Variants in UACA observed in about 807,000 individuals in gnomAD.
UACA encodes the protein nuclear membrane binding protein.
Under a neutral mutation model 160.5 loss-of-function variants are expected in UACA, and 112 were observed. That is an observed-to-expected ratio of 0.70 (90% CI 0.60 to 0.82). The LOEUF is 0.82. Among genes scored for constraint, UACA ranks in the 40% least tolerant of loss-of-function variants. The probability of loss-of-function intolerance (pLI) is 0.00; values close to 1 mark genes in which losing one functional copy is unlikely to be tolerated. For missense variants in UACA, 1,574 were observed against 1,614.6 expected (o/e 0.97, Z 0.43); for synonymous variants, 557 against 568.4 (o/e 0.98, Z 0.29).
chr15:70,751,988 G>A (rs1397071066), intron 1 of UACA, among the ~76,000 whole-genome samples: 1 of 152,178 alleles, frequency 6.6e-6, no homozygotes, highest in South Asian at 2.1e-4. Flanking sequence ...GTGGGAGCCA[G>A]CACTTTGGGA....
upstream of UACA, chr15:70,767,945 G>A (rs1333016465): frequency 6.6e-6 from 1 of 152,134 alleles, no homozygotes. Flanking sequence ...CTCTTCTCTT[G>A]CCACATTGAA....
chr15:70,667,606 G>T lies in UACA; in HGVS notation c.3078C>A (p.Asn1026Lys). ...YSVSEEEVKK[N>K]KQENDKLKKE... ...TCTTTAACTTGTCATTCTCTTGCTT[G>T]TTTTTCTTGACTTCTTCTTCACTGA... Residue 1026 changes from asparagine (N) to lysine (K), a missense_variant, in exon 16 of 19, where the codon AAC (asparagine) becomes AAA (lysine). Asn to Lys is a moderately conservative substitution (Grantham distance 94). Transcript: ENST00000322954. 1 of 1,612,870 alleles carries T rather than the reference G, an allele frequency of 6.2e-7. No homozygotes were observed. Among genetic ancestry groups the T allele is most frequent in the Non-Finnish European group, 8.5e-7 (1 of 1,179,932 alleles).
At chr15:70,726,368 G>A (rs1475611030) in intron 1 of UACA, among the ~76,000 whole-genome samples, 1 of 152,066 alleles carries the variant, frequency 6.6e-6, no homozygotes, top group Non-Finnish European at 1.5e-5. Flanking sequence ...TATCTGAGCA[G>A]CATGGAGGAA....
At chr15:70,760,805 C>CA (rs34530236) in intron 1 of UACA, among the ~76,000 whole-genome samples, 4,540 of 62,330 alleles carry the variant, frequency 0.073, 96 homozygotes, top group African/African-American at 0.082. Flanking sequence ...GACTCCGTCT[C>CA]AAAAAAAAAA....
chr15:70,702,189 A>C, intron 1 of UACA: 2 of 1,178,026 alleles, frequency 1.7e-6, no homozygotes, highest in South Asian at 6.3e-5. Flanking sequence ...TCTATTTCTT[A>C]TTCTTTGGAA....
intron 1 of UACA, chr15:70,701,808 T>C (rs1352625962): frequency 6.9e-7 from 1 of 1,441,646 alleles, no homozygotes; most frequent in Non-Finnish European, 9.5e-7. Flanking sequence ...AGTAGTGCAT[T>C]TTAAAAGAAC....
intron 7 of UACA, among the ~76,000 whole-genome samples, chr15:70,685,936 A>G (rs1897698000): frequency 6.6e-6 from 1 of 151,860 alleles, no homozygotes; most frequent in African/African-American, 2.4e-5. Context: ...CACCACACCT[A>G]GCTAATTTTT....
chr15:70,711,114 T>C (rs531539874), intron 1 of UACA, among the ~76,000 whole-genome samples: 25 of 152,202 alleles, frequency 1.6e-4, no homozygotes, highest in Non-Finnish European at 3.4e-4. Flanking sequence ...AGCAGTTGTT[T>C]GCCAGAAACC....
At chr15:70,737,217 G>T (rs1899396290) in intron 1 of UACA, among the ~76,000 whole-genome samples, 1 of 152,158 alleles carries the variant, frequency 6.6e-6, no homozygotes, top group African/African-American at 2.4e-5. Context: ...CCTTTTAAGT[G>T]TAACAGTACC....
chr15:70,724,101 A>T (rs1899077824), intron 1 of UACA, among the ~76,000 whole-genome samples: 1 of 152,142 alleles, frequency 6.6e-6, no homozygotes, highest in African/African-American at 2.4e-5. Context: ...CTGTCTACAA[A>T]TTTCTCAAGA....
At chr15:70,692,054 T>A (rs1211004634) in intron 3 of UACA, among the ~76,000 whole-genome samples, 1 of 152,214 alleles carries the variant, frequency 6.6e-6, no homozygotes, top group Non-Finnish European at 1.5e-5. Context: ...CTAATTATAT[T>A]TCTTTATACA....
At chr15:70,749,256 G>A in intron 1 of UACA, 1 of 433,332 alleles carries the variant, frequency 2.3e-6, no homozygotes. Context: ...GCCGGGCGCG[G>A]TGGCTCATGC....
intron 11 of UACA, among the ~76,000 whole-genome samples, chr15:70,677,650 T>C (rs1162880055): frequency 6.6e-6 from 1 of 152,212 alleles, no homozygotes; most frequent in African/African-American, 2.4e-5. Flanking sequence ...AAACTGATGA[T>C]ACTAGATTTC....
chr15:70,755,836 TG>T (rs1325078771), intron 1 of UACA, among the ~76,000 whole-genome samples: 3 of 152,136 alleles, frequency 2.0e-5, no homozygotes. Context: ...CCAAATCTGA[TG>T]CTCCCTCAGC....
At chr15:70,757,065 G>A (rs1262983202) in intron 1 of UACA, among the ~76,000 whole-genome samples, 1 of 152,208 alleles carries the variant, frequency 6.6e-6, no homozygotes, top group East Asian at 1.9e-4. Context: ...CACGGCAATT[G>A]GCTAGTATGC....
chr15:70,745,984 C>G (rs757274843), intron 1 of UACA, among the ~76,000 whole-genome samples: 1 of 152,098 alleles, frequency 6.6e-6, no homozygotes, highest in Non-Finnish European at 1.5e-5. Flanking sequence ...AAAATTAAAT[C>G]AAGATGAATA....
In UACA at chr15:70,756,628, G is replaced by A. The variant is rs556519542; in HGVS notation, c.78+6702C>T. Among the ~76,000 whole-genome samples, 4 of 152,176 alleles carry A rather than the reference G, an allele frequency of 2.6e-5. No homozygotes were observed. The South Asian group carries it at 6.2e-4, about 24-fold the overall frequency. On this transcript the variant is annotated intron_variant, in intron 1 of 18. Transcript: ENST00000322954. ...TGGCTCATGCCTGTAATCCCAGCACGTTGGGAGGCCAAGGCAGGTGGATCA... is the reference window on the plus strand; with the variant it reads ...TGGCTCATGCCTGTAATCCCAGCACATTGGGAGGCCAAGGCAGGTGGATCA...
At chr15:70,724,760 A>C (rs575667162) in intron 1 of UACA, among the ~76,000 whole-genome samples, 1 of 152,160 alleles carries the variant, frequency 6.6e-6, no homozygotes, top group South Asian at 2.1e-4. Context: ...GCACATAGTA[A>C]ATTTTCATCC....
intron 1 of UACA, among the ~76,000 whole-genome samples, chr15:70,718,192 T>A (rs1898877057): frequency 6.7e-6 from 1 of 148,642 alleles, no homozygotes; most frequent in African/African-American, 2.5e-5. Context: ...ATTGTATTAC[T>A]ATTTGAAATT....
Sources: allele counts gnomAD v4.1 joint callset (sites outside exome capture counted in the v4.1 genomes callset), GRCh38; gene constraint gnomAD v4.1.1; transcripts MANE v1.5; gene names NCBI Gene and HGNC (gene_info 2026-07-23, HGNC 2026-07-21).